ADISSP: variants seen among roughly 807,000 people sequenced by gnomAD.
ADISSP encodes adipose-secreted signaling protein.
chr20:3,753,992 C>A, the ADISSP span: 1 of 1,256,198 alleles, frequency 8.0e-7, no homozygotes, highest in South Asian at 1.2e-5. Flanking sequence ...CACCATCACG[C>A]AGCATGTCGG....
the ADISSP span, among the ~76,000 whole-genome samples, chr20:3,758,856 G>A: frequency 2.6e-5 from 4 of 152,118 alleles, no homozygotes; most frequent in African/African-American, 7.2e-5. The surrounding 1 kb of genome is among the most constrained non-coding windows in gnomAD (Gnocchi z 5.5). Context: ...CGCCGGCCCC[G>A]ACCTGCCCCT....
chr20:3,754,192 GC>G, the ADISSP span: 4 of 1,579,914 alleles, frequency 2.5e-6, no homozygotes, highest in Admixed American at 3.4e-5. Flanking sequence ...TGCCATGCTG[GC>G]CCCCGGCCCC....
At chr20:3,760,495 A>T in the ADISSP span, among the ~76,000 whole-genome samples, 1 of 152,218 alleles carries the variant, frequency 6.6e-6, no homozygotes, top group South Asian at 2.1e-4. Flanking sequence ...AGAGACTGGC[A>T]GGAGGGGCAG....
At chr20:3,760,214 G>A in the ADISSP span, 1 of 852,794 alleles carries the variant, frequency 1.2e-6, no homozygotes, top group Admixed American at 2.0e-5. Flanking sequence ...GGGAGGGCAG[G>A]GGTCAGGGCC....
At chr20:3,766,638 A>G in the ADISSP span, among the ~76,000 whole-genome samples, 1 of 152,224 alleles carries the variant, frequency 6.6e-6, no homozygotes, top group African/African-American at 2.4e-5. Flanking sequence ...CCCAAGAAGC[A>G]GAGGCCAGGC....
the ADISSP span, among the ~76,000 whole-genome samples, chr20:3,765,201 C>T: frequency 6.6e-6 from 1 of 152,224 alleles, no homozygotes; most frequent in South Asian, 2.1e-4. Context: ...CTCTTGTGCA[C>T]ACACAATTCC....
chr20:3,755,544 G>T, the ADISSP span: 1 of 1,613,474 alleles, frequency 6.2e-7, no homozygotes, highest in Non-Finnish European at 8.5e-7. Flanking sequence ...TCCTTGCTCA[G>T]CCTGTGCACT....
chr20:3,757,912 C>T, the ADISSP span, among the ~76,000 whole-genome samples: 2 of 152,078 alleles, frequency 1.3e-5, no homozygotes, highest in Admixed American at 6.6e-5. Flanking sequence ...CAGACCTCCC[C>T]CGACCCAAGG....
At chr20:3,768,091 T>G in the ADISSP span, 1 of 152,298 alleles carries the variant, frequency 6.6e-6, no homozygotes, top group African/African-American at 2.4e-5. Context: ...TGAACCTTGC[T>G]TAGGACGCAC....
chr20:3,754,712 A>T, the ADISSP span, among the ~76,000 whole-genome samples: 1 of 152,182 alleles, frequency 6.6e-6, no homozygotes, highest in Non-Finnish European at 1.5e-5. Context: ...TCAAAAACCC[A>T]TTCTTCAGTG....
At chr20:3,764,966 T>C in the ADISSP span, among the ~76,000 whole-genome samples, 1 of 152,334 alleles carries the variant, frequency 6.6e-6, no homozygotes, top group African/African-American at 2.4e-5. Flanking sequence ...TACCTGTCCA[T>C]GCCTGCTTTG....
chr20:3,761,005 C>T, the ADISSP span, among the ~76,000 whole-genome samples: 1 of 152,132 alleles, frequency 6.6e-6, no homozygotes. Context: ...AAACCCAAGC[C>T]CTCAAAAGCC....
chr20:3,756,096 C>T, the ADISSP span, among the ~76,000 whole-genome samples: 119 of 152,298 alleles, frequency 7.8e-4, no homozygotes, highest in African/African-American at 2.7e-3. Context: ...GTCCTCCATT[C>T]GCTCATAGGA....
At chr20:3,754,641 G>A in the ADISSP span, 1 of 1,020,540 alleles carries the variant, frequency 9.8e-7, no homozygotes, top group South Asian at 1.4e-5. Flanking sequence ...CCCAAGAAAG[G>A]GGCAGGGATG....
the ADISSP span, chr20:3,760,105 G>T: frequency 1.2e-6 from 2 of 1,609,346 alleles, no homozygotes; most frequent in Non-Finnish European, 1.7e-6. Flanking sequence ...AGCCATGGAC[G>T]CCCTCCCTGC....
At chr20:3,768,075 T>G in the ADISSP span, 70 of 152,684 alleles carry the variant, frequency 4.6e-4, no homozygotes, top group African/African-American at 1.7e-3. Context: ...ATAGCGCCTC[T>G]AGCCTTGAAC....
chr20:3,755,999 A>G, the ADISSP span, among the ~76,000 whole-genome samples: 6 of 152,122 alleles, frequency 3.9e-5, no homozygotes, highest in Non-Finnish European at 8.8e-5. Flanking sequence ...GCAAGGCACC[A>G]CCCACTGCCT....
chr20:3,755,549 T>G, the ADISSP span: 92 of 1,613,516 alleles, frequency 5.7e-5, no homozygotes, highest in Non-Finnish European at 7.7e-5. Context: ...GCTCAGCCTG[T>G]GCACTGGGGG....
At chr20:3,754,054 G>A in the ADISSP span, 1 of 1,609,142 alleles carries the variant, frequency 6.2e-7, no homozygotes, top group Admixed American at 1.7e-5. Context: ...CGGGGCCTCG[G>A]GCCTCAGTCA....
Sources: gnomAD v4.1 joint callset for allele counts (sites outside exome capture counted in the v4.1 genomes callset) on GRCh38, gnomAD v4.1.1 for gene constraint, Gnocchi (gnomAD v3.1) non-coding constraint, MANE v1.5 for transcripts, NCBI Gene and HGNC (gene_info 2026-07-23, HGNC 2026-07-21) for gene names.